Variants in PPIG observed in about 807,000 individuals in gnomAD.
The protein encoded by PPIG is peptidylprolyl isomerase G.
Under a neutral mutation model 87.9 loss-of-function variants are expected in PPIG, and 26 were observed. The observed-to-expected ratio is 0.30, with a 90% CI of 0.22 to 0.41. The LOEUF (loss-of-function observed/expected upper bound fraction) is 0.41. Among genes scored for constraint, PPIG ranks in the 10% least tolerant of loss-of-function variants. PPIG has a pLI of 1.00. For synonymous variants in PPIG, 308 were observed against 276.5 expected (o/e 1.11, Z -1.13); for missense variants, 722 against 879.4 (o/e 0.82, Z 2.26).
At chr2:169,593,509 C>T (rs1684927640) in intron 1 of PPIG, among the ~76,000 whole-genome samples, 1 of 152,160 alleles carries the variant, frequency 6.6e-6, no homozygotes, top group Admixed American at 6.5e-5. Context: ...GAGGCAAAAG[C>T]CCTCTCCAGT....
intron 9 of PPIG, among the ~76,000 whole-genome samples, chr2:169,619,034 C>G (rs910783801): frequency 6.6e-6 from 1 of 152,092 alleles, no homozygotes; most frequent in African/African-American, 2.4e-5. Context: ...AAATTTCCCT[C>G]GAAACACTAC....
intron 4 of PPIG, among the ~76,000 whole-genome samples, chr2:169,605,758 C>T (rs1211914621): frequency 1.3e-5 from 2 of 152,098 alleles, no homozygotes; most frequent in Non-Finnish European, 2.9e-5. Context: ...AAGATCGTGC[C>T]ACCGCACTGT....
chr2:169,601,913 AAAAAACTCAGT>A (rs764900834), intron 1 of PPIG, among the ~76,000 whole-genome samples: 15 of 152,068 alleles, frequency 9.9e-5, no homozygotes, highest in Non-Finnish European at 2.1e-4. Flanking sequence ...GTACAAAAAA[AAAAAACTCAGT>A]AACATTTTTG....
chr2:169,639,122 T>C lies in PPIG; in HGVS notation c.*1599T>C, dbSNP rs920969553. 2 of 152,038 alleles carry C rather than the reference T, an allele frequency of 1.3e-5. No individual in the cohort carries two copies. The highest frequency in any genetic ancestry group is 2.9e-5 in the Non-Finnish European group (2 of 67,918). The allele number at this position is 152,038 out of a possible 1,614,324, so 9.4% of individuals were successfully genotyped here. Reference sequence around the variant, plus strand: ...AATAGTGTAATGACCATAAGATTGCTTGGAAAATTGTAATACAGATATCCA... The same window carrying C: ...AATAGTGTAATGACCATAAGATTGCCTGGAAAATTGTAATACAGATATCCA... On this transcript the variant is annotated 3_prime_UTR_variant, in exon 14 of 14. Coordinates refer to ENST00000260970, the MANE Select transcript of PPIG (RefSeq NM_004792.3).
Position 169,636,836 on chromosome 2 carries a change from G to A in PPIG, c.1578G>A (p.Lys526=), listed in dbSNP as rs1376046546. 6.2e-7 allele frequency: 1 copy of A among 1,613,708 alleles called. No homozygotes were observed. The highest frequency in any genetic ancestry group is 2.2e-5 in the East Asian group (1 of 44,862). The change falls in exon 14 of 14, where the codon AAG becomes AAA. Residue 526 remains lysine (K), a synonymous_variant. Coordinates refer to ENST00000260970, the MANE Select transcript of PPIG (RefSeq NM_004792.3). ...AGAAGTCTAAACAGTTAGAATCAAA[G>A]AGTAATGAGCATGATCACAGTAAAA... is the stretch of plus-strand genomic sequence containing the variant. ...SKEKSKQLES[K]SNEHDHSKSK...
chr2:169,600,800 C>T (rs1304953274), intron 1 of PPIG, among the ~76,000 whole-genome samples: 2 of 152,094 alleles, frequency 1.3e-5, no homozygotes, highest in African/African-American at 2.4e-5. Context: ...ACCTATAACT[C>T]ATTTACTTAG....
In PPIG at chr2:169,636,749, TAAA is replaced by T; in HGVS notation, c.1492_1494del (p.Lys498del). On this transcript the variant is annotated inframe_deletion, in exon 14 of 14. Transcript: ENST00000260970. ...GTAAAGGAAGGGATCATGAAAATGT[TAAA>T]GAAAAAGAAAAGCAGTCTGATTCTA... 3.7e-6 allele frequency: 6 copies of T among 1,612,168 alleles called. No homozygotes were observed. The highest frequency in any genetic ancestry group is 5.1e-6 in the Non-Finnish European group (6 of 1,179,682).
At chr2:169,635,965 A>AG (rs1047554361) in intron 12 of PPIG, 127 bp from the exon 13 acceptor site, 1 of 489,940 alleles carries the variant, frequency 2.0e-6, no homozygotes, top group Non-Finnish European at 3.4e-6. Flanking sequence ...TGCTTTTTAT[A>AG]TTTTTTTTAT....
chr2:169,636,153 C>T lies in PPIG; in HGVS notation c.1079C>T (p.Pro360Leu). ...CGTTTCAGACGTAGTGAGACTCCTC[C>T]ACATTGGAGGCAAGAGATGCAGAGA... ...RDRFRRSETP[P>L]HWRQEMQRAQ... The change falls in exon 13 of 14, where the codon CCA (proline) becomes CTA (leucine). Residue 360 changes from proline (P) to leucine (L), a missense_variant. By Grantham distance (98) the Pro-to-Leu change is moderately conservative (BLOSUM62 -3). Around this residue, in one of 4 missense-constraint regions of PPIG, gnomAD observed 476 missense variants for 483.1 expected, o/e 0.99. Coordinates refer to ENST00000260970, the MANE Select transcript of PPIG (RefSeq NM_004792.3). 6.2e-7 allele frequency: 1 copy of T among 1,612,780 alleles called. No individual in the cohort carries two copies.
intron 1 of PPIG, among the ~76,000 whole-genome samples, chr2:169,592,492 G>A (rs542278383): frequency 1.3e-5 from 2 of 152,092 alleles, no homozygotes; most frequent in African/African-American, 4.8e-5. Context: ...TTTTAGGGGA[G>A]ACGGGGTTTC....
chr2:169,599,006 T>C (rs536267160), intron 1 of PPIG, among the ~76,000 whole-genome samples: 7 of 152,068 alleles, frequency 4.6e-5, no homozygotes, highest in African/African-American at 1.7e-4. Context: ...CAAATTATGG[T>C]ACATTGAATA....
chr2:169,595,608 A>G (rs960639641), intron 1 of PPIG, among the ~76,000 whole-genome samples: 3 of 152,070 alleles, frequency 2.0e-5, no homozygotes, highest in African/African-American at 4.8e-5. Flanking sequence ...CTTATCTCCA[A>G]GAGTTCAATT....
chr2:169,612,652 G>A (rs182097674), intron 7 of PPIG, among the ~76,000 whole-genome samples: 1 of 152,254 alleles, frequency 6.6e-6, no homozygotes, highest in Non-Finnish European at 1.5e-5. Context: ...AAACTGCTGG[G>A]ATTACAGACG....
intron 1 of PPIG, among the ~76,000 whole-genome samples, chr2:169,596,527 A>C (rs1348431959): frequency 6.6e-6 from 1 of 152,212 alleles, no homozygotes; most frequent in African/African-American, 2.4e-5. Context: ...TAGACTGCTC[A>C]GTGAGGCAGG....
chr2:169,637,408 C>T lies in PPIG; in HGVS notation c.2150C>T (p.Ser717Leu), dbSNP rs763111622. The change falls in exon 14 of 14, where the codon TCA (serine) becomes TTA (leucine). Residue 717 changes from serine to leucine, a missense_variant. Ser to Leu is a moderately radical substitution (Grantham distance 145, BLOSUM62 -2). Transcript: ENST00000260970. Reference protein sequence around the residue: ...KNKEDEKIRSSVEKENQKSKG... With the variant: ...KNKEDEKIRSLVEKENQKSKG... ...AAGGAGGATGAGAAGATCAGATCCT[C>T]AGTGGAAAAAGAAAACCAAAAATCA... The T allele has an allele frequency of 6.2e-7, 1 of 1,612,784 alleles. No individual in the cohort carries two copies. The highest frequency in any genetic ancestry group is 8.5e-7 in the Non-Finnish European group (1 of 1,179,734).
At position 169,584,367 on chromosome 2, in the gene PPIG, A is replaced by G. The variant is rs866137843; in HGVS notation, c.-193A>G. 1.7e-5 allele frequency: 8 copies of G among 471,004 alleles called. No individual in the cohort carries two copies. Among genetic ancestry groups the G allele is most frequent in the African/African-American group, 8.0e-5 (4 of 50,078 alleles). 29.2% of individuals were successfully genotyped at this position (471,004 alleles called of 1,614,324 possible). On this transcript the variant is annotated 5_prime_UTR_variant, in exon 1 of 14. It removes an upstream start codon present in the reference 5' UTR. Transcript: ENST00000260970. ...GCTTCCGGTGCGACGCTGTCTCTCCATGCCAGGACTGAGTTGTGGGGGAGG... is the reference window on the plus strand; with the variant it reads ...GCTTCCGGTGCGACGCTGTCTCTCCGTGCCAGGACTGAGTTGTGGGGGAGG...
rs375893335 is a variant in PPIG, at chr2:169,594,324, C to CAAA, written c.-69-9307_-69-9305dup. Among the ~76,000 whole-genome samples the CAAA allele has an allele frequency of 3.4e-3, 478 of 140,314 alleles. 4 individuals are homozygous for CAAA. Among genetic ancestry groups the CAAA allele is most frequent in the East Asian group, 0.027 (132 of 4,890 alleles). 92.1% of individuals were successfully genotyped at this position (140,314 alleles called of 152,430 possible). On this transcript the variant is annotated intron_variant, in intron 1 of 13. Transcript: ENST00000260970. ...TTAAAAGATCTTTGCTGTTGATAGG[C>CAAA]AAAAAAAAAAAAACGCATTTTATTA...
At chr2:169,606,209 A>G in intron 5 of PPIG, 63 bp downstream of exon 5, 1 of 1,207,246 alleles carries the variant, frequency 8.3e-7, no homozygotes, top group Non-Finnish European at 1.2e-6. Context: ...AAGTTAGACA[A>G]GTCCCTAGAA....
intron 1 of PPIG, among the ~76,000 whole-genome samples, chr2:169,589,242 G>C (rs1404689220): frequency 6.6e-6 from 1 of 152,168 alleles, no homozygotes; most frequent in East Asian, 1.9e-4. Flanking sequence ...GCAGTGGTTT[G>C]CATCAGGGTG....
Sources: gnomAD v4.1 joint callset for allele counts (sites outside exome capture counted in the v4.1 genomes callset) on GRCh38, gnomAD v4.1.1 for gene constraint, gnomAD v4.1.1 regional missense constraint, MANE v1.5 for transcripts, NCBI Gene and HGNC (gene_info 2026-07-23, HGNC 2026-07-21) for gene names.